ARHGAP26: variants seen among roughly 807,000 people sequenced by gnomAD.
ARHGAP26 encodes the protein rho GTPase-activating protein 26.
A neutral mutation model predicts 104.8 loss-of-function variants in ARHGAP26; 38 were observed. The ratio of observed to expected loss-of-function variants is 0.36; its 90% CI spans 0.28 to 0.48. ARHGAP26 has a LOEUF of 0.48. Ranked by LOEUF, ARHGAP26 falls within the 20% of genes least tolerant of loss-of-function variation. ARHGAP26 has a pLI of 0.99. For missense variants in ARHGAP26, 704 were observed against 947.9 expected (o/e 0.74, Z 3.38); for synonymous variants, 341 against 340.0 (o/e 1.00, Z -0.03).
chr5:143,092,470 C>T (rs944626893), intron 17 of ARHGAP26, among the ~76,000 whole-genome samples: 2 of 152,072 alleles, frequency 1.3e-5, no homozygotes, highest in Admixed American at 6.5e-5. Context: ...GGCCACATCC[C>T]GTTCTTTAAA....
chr5:142,936,517 A>C (rs1170178575), intron 11 of ARHGAP26, among the ~76,000 whole-genome samples: 18 of 152,220 alleles, frequency 1.2e-4, no homozygotes. Flanking sequence ...AGATACAGAC[A>C]AGCTTGTTCT....
rs77946574 is a variant in ARHGAP26, at chr5:143,102,131, A to G, written c.1539-18857A>G. 6.5e-3 allele frequency among the ~76,000 whole-genome samples: 995 copies of G among 152,284 alleles called. 25 individuals are homozygous for G. The East Asian group carries it at 0.076, about 12-fold the overall frequency. ...TTTGTTTCTGAGTGATATAGACAGC[A>G]GGACCGTGAGTAAGGGACCCTCTCT... On this transcript the variant is annotated intron_variant, in intron 17 of 22. Transcript: ENST00000645722.
At chr5:142,948,409 AAT>A (rs10552247) in intron 11 of ARHGAP26, among the ~76,000 whole-genome samples, 52,254 of 150,040 alleles carry the variant, frequency 0.35, 9,993 homozygotes, top group East Asian at 0.78. Context: ...GTGTGTATTA[AAT>A]ATATATATAT....
In ARHGAP26 at chr5:143,094,350, T is replaced by C. The variant is rs377214532; in HGVS notation, c.1539-26638T>C. Among the ~76,000 whole-genome samples, 11 of 152,308 alleles carry C rather than the reference T, an allele frequency of 7.2e-5. No homozygotes were observed. In the South Asian group the frequency reaches 1.5e-3, roughly 20 times the overall value. On this transcript the variant is annotated intron_variant, in intron 17 of 22. Transcript: ENST00000645722. Reference sequence around the variant, plus strand: ...GCTAGGTTGCTGGTCAGTTTCTTTTTTCCCTCGCGTTGCTGAGAGCTCAGG... The same window carrying C: ...GCTAGGTTGCTGGTCAGTTTCTTTTCTCCCTCGCGTTGCTGAGAGCTCAGG...
At chr5:142,920,802 A>G (rs1253878511) in intron 10 of ARHGAP26, among the ~76,000 whole-genome samples, 1 of 152,228 alleles carries the variant, frequency 6.6e-6, no homozygotes, top group African/African-American at 2.4e-5. Context: ...TCAAGCAACT[A>G]AGGTATAAAC....
intron 17 of ARHGAP26, among the ~76,000 whole-genome samples, chr5:143,104,732 A>G (rs1458631723): frequency 1.3e-5 from 2 of 152,210 alleles, no homozygotes; most frequent in Non-Finnish European, 2.9e-5. Flanking sequence ...GTGCCACCAT[A>G]ACAATGTTGA....
chr5:142,775,021 T>A (rs1182224307), intron 1 of ARHGAP26, among the ~76,000 whole-genome samples: 1 of 152,200 alleles, frequency 6.6e-6, no homozygotes, highest in Non-Finnish European at 1.5e-5. Context: ...TTATCAATTA[T>A]GAATAGAGCC....
At chr5:143,117,918 C>G (rs991938340) in intron 17 of ARHGAP26, among the ~76,000 whole-genome samples, 2 of 152,228 alleles carry the variant, frequency 1.3e-5, no homozygotes, top group Non-Finnish European at 2.9e-5. Context: ...AGTGAAAGCT[C>G]ATTGTGCACC....
chr5:142,862,476 A>G (rs1753545604), intron 1 of ARHGAP26, among the ~76,000 whole-genome samples: 1 of 152,212 alleles, frequency 6.6e-6, no homozygotes. Flanking sequence ...TTTGGTAAAT[A>G]TTTCTGCAGA....
chr5:143,087,636 C>CTTCTTTTTT (rs756401821), intron 17 of ARHGAP26, among the ~76,000 whole-genome samples: 1 of 51,536 alleles, frequency 1.9e-5, no homozygotes, highest in African/African-American at 7.8e-5. Context: ...CTGGCCCATT[C>CTTCTTTTTT]TTTTTTTTTT....
chr5:143,137,898 A>T (rs956206400), intron 19 of ARHGAP26, among the ~76,000 whole-genome samples: 1 of 152,216 alleles, frequency 6.6e-6, no homozygotes, highest in Non-Finnish European at 1.5e-5. Context: ...CTTAGAGGTG[A>T]ATCTTGGCCT....
chr5:143,191,494 A>G (rs921282084), intron 20 of ARHGAP26, among the ~76,000 whole-genome samples: 6 of 152,212 alleles, frequency 3.9e-5, no homozygotes, highest in African/African-American at 1.2e-4. Context: ...ACACTGAGAT[A>G]GCTGAAATAG....
At chr5:143,031,357 A>G (rs187419) in intron 12 of ARHGAP26, among the ~76,000 whole-genome samples, 17,787 of 152,238 alleles carry the variant, frequency 0.12, 1,460 homozygotes, top group South Asian at 0.28. Flanking sequence ...GAAGAATAAG[A>G]AGACCAGCCA....
intron 10 of ARHGAP26, among the ~76,000 whole-genome samples, chr5:142,930,786 G>C (rs1170039495): frequency 6.6e-6 from 1 of 152,040 alleles, no homozygotes; most frequent in African/African-American, 2.4e-5. Context: ...GGGATGTCAA[G>C]GAATGGTTAA....
chr5:143,162,461 G>A (rs1801385026), intron 20 of ARHGAP26, among the ~76,000 whole-genome samples: 2 of 152,318 alleles, frequency 1.3e-5, no homozygotes, highest in South Asian at 2.1e-4. Context: ...AAGAAGTGGA[G>A]TCATGGGAAT....
At chr5:143,197,848 A>C (rs965289286) in intron 20 of ARHGAP26, among the ~76,000 whole-genome samples, 1 of 152,166 alleles carries the variant, frequency 6.6e-6, no homozygotes, top group Non-Finnish European at 1.5e-5. Flanking sequence ...TTCCATATAG[A>C]TATCCAGTTA....
At chr5:142,835,801 G>C (rs1304403806) in intron 1 of ARHGAP26, among the ~76,000 whole-genome samples, 1 of 152,176 alleles carries the variant, frequency 6.6e-6, no homozygotes, top group Non-Finnish European at 1.5e-5. Context: ...CCAACACCAA[G>C]AGATGGATAA....
At chr5:143,053,669 A>G (rs188234121) in intron 14 of ARHGAP26, among the ~76,000 whole-genome samples, 232 of 152,356 alleles carry the variant, frequency 1.5e-3, no homozygotes, top group Non-Finnish European at 2.3e-3. Context: ...GACAAAAGAA[A>G]TTGTCAGAGC....
At chr5:142,794,158 T>C (rs1382928130) in intron 1 of ARHGAP26, among the ~76,000 whole-genome samples, 1 of 152,242 alleles carries the variant, frequency 6.6e-6, no homozygotes, top group Non-Finnish European at 1.5e-5. Context: ...AGTCTTTTCC[T>C]TCACATTGGT....
Sources: allele counts gnomAD v4.1 joint callset (sites outside exome capture counted in the v4.1 genomes callset), GRCh38; gene constraint gnomAD v4.1.1; transcripts MANE v1.5; gene names NCBI Gene and HGNC (gene_info 2026-07-23, HGNC 2026-07-21).